Variants in NLGN1 observed in about 807,000 individuals in gnomAD.
NLGN1 encodes the protein neuroligin 1.
Under a neutral mutation model 65.5 loss-of-function variants are expected in NLGN1, and 12 were observed. The ratio of observed to expected loss-of-function variants is 0.18; its 90% confidence interval spans 0.12 to 0.30. NLGN1 has a LOEUF of 0.30. Among genes scored for constraint, NLGN1 ranks in the 10% least tolerant of loss-of-function variants. NLGN1 has a pLI of 1.00. For missense variants in NLGN1, 750 were observed against 1,007.1 expected (o/e 0.74, Z 3.46); for synonymous variants, 350 against 359.5 (o/e 0.97, Z 0.30).
chr3:174,257,822 A>C (rs1746081808), intron 4 of NLGN1, among the ~76,000 whole-genome samples: 1 of 151,390 alleles, frequency 6.6e-6, no homozygotes, highest in Admixed American at 6.6e-5. Context: ...GTGATGGTTA[A>C]TACTGAGTGT....
At position 174,042,054 on chromosome 3, in the gene NLGN1, CA is replaced by C. The variant is rs201995924; in HGVS notation, c.647-233251del. On this transcript the variant is annotated intron_variant, in intron 4 of 6. Transcript: ENST00000457714. ...GGGTGACAGAGTGAGAGTCTGCCTC[CA>C]AAAAAAAAACATTAGATTATTGGAC... Among the ~76,000 whole-genome samples the C allele has an allele frequency of 5.0e-3, 701 of 140,912 alleles. 8 individuals carry two copies. The highest frequency in any genetic ancestry group is 0.017 in the African/African-American group (653 of 38,276). The allele number at this position is 140,912 out of a possible 152,430, so 92.4% of individuals were successfully genotyped here. A position where few individuals can be genotyped will look rare whatever the true frequency, so the allele number is the denominator to read the frequency against.
Position 173,625,749 on chromosome 3 carries a change from G to C in NLGN1, c.493+20658G>C, listed in dbSNP as rs79847434. Among the ~76,000 whole-genome samples, 1,177 of 152,214 alleles carry C rather than the reference G, an allele frequency of 7.7e-3. 20 individuals are homozygous for C. Among genetic ancestry groups the C allele is most frequent in the African/African-American group, 0.027 (1,128 of 41,540 alleles). On this transcript the variant is annotated intron_variant, in intron 3 of 6. Transcript: ENST00000457714. ...GTTAACTTGGCTAACCTATTCACCT[G>C]AATCTGCATAGAAAATCTTGGAATG...
intron 4 of NLGN1, among the ~76,000 whole-genome samples, chr3:173,854,764 G>A (rs1004064034): frequency 9.2e-5 from 14 of 152,058 alleles, no homozygotes; most frequent in African/African-American, 3.1e-4. Context: ...AGAACATGTA[G>A]CATAGAAATA....
At chr3:173,435,877 G>C (rs584267) in intron 2 of NLGN1, among the ~76,000 whole-genome samples, 1 of 152,038 alleles carries the variant, frequency 6.6e-6, no homozygotes, top group African/African-American at 2.4e-5. Flanking sequence ...AAGTCTATAC[G>C]ATGCATTTAG....
Position 173,450,158 on chromosome 3 carries a change from T to G in NLGN1, c.-321+15080T>G, listed in dbSNP as rs192060700. Among the ~76,000 whole-genome samples, 4 of 152,344 alleles carry G rather than the reference T, an allele frequency of 2.6e-5. No homozygotes were observed. The East Asian group carries it at 7.7e-4, about 29-fold the overall frequency. The stretch of plus-strand genomic sequence containing the variant: ...AGTTGATGCAGTTTCTTTCTAGTCC[T>G]GATGGTCTTTACAATTTGGCATGTT... On this transcript the variant is annotated intron_variant, in intron 2 of 6. Transcript: ENST00000457714.
intron 3 of NLGN1, chr3:173,695,603 A>G (rs1228644197): frequency 6.5e-6 from 2 of 308,002 alleles, no homozygotes; most frequent in Admixed American, 4.2e-5. Flanking sequence ...TTTTGTTTCT[A>G]TTTTGTTTTT....
chr3:174,211,519 C>T (rs1736516921), intron 4 of NLGN1, among the ~76,000 whole-genome samples: 1 of 151,114 alleles, frequency 6.6e-6, no homozygotes, highest in African/African-American at 2.4e-5. Flanking sequence ...GTTTACAAAC[C>T]TTGAGCTAGA....
intron 4 of NLGN1, among the ~76,000 whole-genome samples, chr3:174,269,905 T>C (rs1272842212): frequency 6.6e-6 from 1 of 151,968 alleles, no homozygotes; most frequent in Non-Finnish European, 1.5e-5. Context: ...TTGATTTGCA[T>C]TTTTTAATGA....
intron 4 of NLGN1, among the ~76,000 whole-genome samples, chr3:174,184,964 C>A (rs1423080755): frequency 6.6e-6 from 1 of 151,974 alleles, no homozygotes; most frequent in Non-Finnish European, 1.5e-5. Flanking sequence ...AAAATATGAC[C>A]ACAGATCCAA....
intron 2 of NLGN1, among the ~76,000 whole-genome samples, chr3:173,460,755 A>G (rs1048827833): frequency 2.0e-5 from 3 of 152,160 alleles, no homozygotes; most frequent in Non-Finnish European, 4.4e-5. Context: ...TAATTTGTTT[A>G]TAATCCATTT....
intron 4 of NLGN1, among the ~76,000 whole-genome samples, chr3:173,924,121 A>G (rs917861701): frequency 2.0e-5 from 3 of 152,190 alleles, no homozygotes; most frequent in Non-Finnish European, 4.4e-5. Context: ...AATTCCCAAT[A>G]CATTTAAAAA....
At chr3:174,067,897 G>T (rs146774111) in intron 4 of NLGN1, among the ~76,000 whole-genome samples, 20 of 152,288 alleles carry the variant, frequency 1.3e-4, no homozygotes, top group African/African-American at 4.1e-4. Flanking sequence ...TCAGGACACA[G>T]AAGTTTTCTA....
chr3:173,746,919 T>A (rs1337401096), intron 3 of NLGN1, among the ~76,000 whole-genome samples: 1 of 151,644 alleles, frequency 6.6e-6, no homozygotes, highest in Admixed American at 6.6e-5. Context: ...GGGCATGGTG[T>A]CTTGCACCTT....
intron 4 of NLGN1, among the ~76,000 whole-genome samples, chr3:174,259,263 T>C (rs1746382276): frequency 6.6e-6 from 1 of 152,122 alleles, no homozygotes; most frequent in Admixed American, 6.6e-5. Context: ...GATCAGCTAG[T>C]GTGGAATTAA....
intron 4 of NLGN1, among the ~76,000 whole-genome samples, chr3:173,826,295 T>C (rs1454421944): frequency 6.6e-6 from 1 of 152,088 alleles, no homozygotes; most frequent in Non-Finnish European, 1.5e-5. Context: ...TCTCAATACC[T>C]GACCTCCTCA....
chr3:174,069,744 G>T (rs957150621), intron 4 of NLGN1, among the ~76,000 whole-genome samples: 3 of 152,242 alleles, frequency 2.0e-5, no homozygotes, highest in Non-Finnish European at 2.9e-5. Flanking sequence ...ATCTCAGGGT[G>T]TCAGATAAGT....
chr3:174,032,128 C>T (rs189263359), intron 4 of NLGN1, among the ~76,000 whole-genome samples: 189 of 152,090 alleles, frequency 1.2e-3, no homozygotes, highest in African/African-American at 4.4e-3. Flanking sequence ...TACAAAACCT[C>T]TAAAAATGTA....
At chr3:173,844,060 G>T (rs748523091) in intron 4 of NLGN1, among the ~76,000 whole-genome samples, 6 of 152,174 alleles carry the variant, frequency 3.9e-5, no homozygotes, top group Admixed American at 1.3e-4. Context: ...ATGACAGCAG[G>T]CAAGGAAGAT....
At chr3:173,574,333 G>C (rs1241824131) in intron 2 of NLGN1, among the ~76,000 whole-genome samples, 1 of 151,848 alleles carries the variant, frequency 6.6e-6, no homozygotes, top group African/African-American at 2.4e-5. Flanking sequence ...AGAAATATTT[G>C]TGTAGCAGGG....
Sources: allele counts gnomAD v4.1 joint callset (sites outside exome capture counted in the v4.1 genomes callset), GRCh38; gene constraint gnomAD v4.1.1; transcripts MANE v1.5; gene names NCBI Gene and HGNC (gene_info 2026-07-23, HGNC 2026-07-21).